Variants in MAP3K4 observed in about 807,000 individuals in gnomAD.
MAP3K4 encodes the protein mitogen-activated protein kinase kinase kinase 4, also known as MAP three kinase 1.
MAP3K4 carries 67 observed loss-of-function variants against 185.6 expected under a neutral mutation model. The ratio of observed to expected loss-of-function variants is 0.36; its 90% CI spans 0.30 to 0.44. The LOEUF is 0.44. Ranked by LOEUF, MAP3K4 falls within the 20% of genes least tolerant of loss-of-function variation. The pLI is 1.00. For missense variants in MAP3K4, 1,551 were observed against 1,995.1 expected (o/e 0.78, Z 4.24); for synonymous variants, 702 against 710.4 (o/e 0.99, Z 0.19).
Position 161,115,817 on chromosome 6 carries a change from G to C in MAP3K4, c.4806+515G>C, listed in dbSNP as rs62435519. 3.1e-3 allele frequency among the ~76,000 whole-genome samples: 471 copies of C among 152,326 alleles called. 3 individuals carry two copies. The highest frequency in any genetic ancestry group is 3.7e-3 in the South Asian group (18 of 4,822). On this transcript the variant is annotated intron_variant, in intron 26 of 26. Transcript: ENST00000392142. This position sits in a 1 kb window ranked among gnomAD's most constrained non-coding sequence, Gnocchi z 6.0. ...AACTTGGAAACGCTCACCCTTCCGG[G>C]AGAGTGGGATGGTCACAGAGCCCTG...
chr6:161,019,020 A>G (rs908201130), intron 1 of MAP3K4, among the ~76,000 whole-genome samples: 1 of 152,238 alleles, frequency 6.6e-6, no homozygotes, highest in Non-Finnish European at 1.5e-5. Context: ...CAAAGACTGG[A>G]AAAGTGTACC....
intron 2 of MAP3K4, among the ~76,000 whole-genome samples, chr6:161,042,462 A>G (rs1279041094): frequency 6.6e-6 from 1 of 152,178 alleles, no homozygotes; most frequent in Non-Finnish European, 1.5e-5. Context: ...CTCAGTGAAC[A>G]GGCTTGATTT....
rs1440556751 is a variant in MAP3K4 at position 161,088,779 on chromosome 6, C to T, written c.2824-543C>T. ...TTGAGTTTCCCTGCTTCAAACCTCA[C>T]CTTCTGTCTCTCCAATTCTGTGTTT... On this transcript the variant is annotated intron_variant, in intron 10 of 26. Transcript: ENST00000392142. This position sits in a 1 kb window ranked among gnomAD's most constrained non-coding sequence, Gnocchi z 4.5. Among the ~76,000 whole-genome samples the T allele has an allele frequency of 4.6e-5, 7 of 152,176 alleles. No homozygotes were observed. Among genetic ancestry groups the T allele is most frequent in the African/African-American group, 1.2e-4 (5 of 41,452 alleles).
chr6:161,041,835 C>G (rs749906280), intron 2 of MAP3K4, among the ~76,000 whole-genome samples: 1 of 151,014 alleles, frequency 6.6e-6, no homozygotes, highest in Non-Finnish European at 1.5e-5. Flanking sequence ...TGATACCAGA[C>G]GGACAGAAGG....
At chr6:161,079,124 G>C (rs1303321785) in intron 5 of MAP3K4, among the ~76,000 whole-genome samples, 2 of 146,976 alleles carry the variant, frequency 1.4e-5, no homozygotes, top group Non-Finnish European at 3.0e-5. Context: ...TGAGGCAGGA[G>C]AATCACTTGA....
At chr6:161,050,597 G>A (rs1296820454) in intron 3 of MAP3K4, among the ~76,000 whole-genome samples, 3 of 152,172 alleles carry the variant, frequency 2.0e-5, no homozygotes, top group Non-Finnish European at 2.9e-5. Flanking sequence ...GTAGATTTTT[G>A]TGAGAGGAAT....
chr6:161,018,462 G>A (rs1782217736), intron 1 of MAP3K4, among the ~76,000 whole-genome samples: 1 of 152,184 alleles, frequency 6.6e-6, no homozygotes, highest in Non-Finnish European at 1.5e-5. Context: ...GACTTGGAAG[G>A]ATCACAGCTT....
chr6:161,026,386 T>C (rs969027746), intron 1 of MAP3K4, among the ~76,000 whole-genome samples: 7 of 152,130 alleles, frequency 4.6e-5, no homozygotes, highest in Non-Finnish European at 5.9e-5. Context: ...CTGCCCTCCT[T>C]GGCCTCCCAA....
chr6:161,072,324 C>A (rs1265970730), intron 4 of MAP3K4, among the ~76,000 whole-genome samples: 1 of 152,172 alleles, frequency 6.6e-6, no homozygotes, highest in African/African-American at 2.4e-5. Flanking sequence ...TGTAAAAACC[C>A]TGTTATTCTG....
At chr6:160,993,147 GTTTTAT>G (rs1251019973) in intron 1 of MAP3K4, among the ~76,000 whole-genome samples, 1 of 152,172 alleles carries the variant, frequency 6.6e-6, no homozygotes, top group African/African-American at 2.4e-5. Flanking sequence ...AAACAAATTT[GTTTTAT>G]TTTTATAAGC....
chr6:161,081,726 T>C (rs1785468326), intron 6 of MAP3K4, among the ~76,000 whole-genome samples: 1 of 152,182 alleles, frequency 6.6e-6, no homozygotes, highest in African/African-American at 2.4e-5. Context: ...TCCGTGGTCT[T>C]TGCTGGTGGC....
chr6:161,031,193 CTT>C (rs1782912501), intron 1 of MAP3K4, among the ~76,000 whole-genome samples: 3 of 152,112 alleles, frequency 2.0e-5, no homozygotes. Flanking sequence ...AGACAGATGA[CTT>C]TTGGTTTTGT....
chr6:161,016,002 C>A (rs756455591), intron 1 of MAP3K4, among the ~76,000 whole-genome samples: 23 of 152,156 alleles, frequency 1.5e-4, no homozygotes, highest in Non-Finnish European at 2.8e-4. Context: ...AATAATACTG[C>A]TATATAAATT....
At chr6:161,045,227 G>T (rs1783672736) in intron 2 of MAP3K4, among the ~76,000 whole-genome samples, 2 of 150,484 alleles carry the variant, frequency 1.3e-5, no homozygotes, top group Admixed American at 6.6e-5. Context: ...GTTTTGGGGT[G>T]GGGGGGAACA....
chr6:161,069,770 A>G (rs1354900255), intron 3 of MAP3K4, among the ~76,000 whole-genome samples: 1 of 151,970 alleles, frequency 6.6e-6, no homozygotes, highest in Non-Finnish European at 1.5e-5. Context: ...GATGGCAGGG[A>G]GTAGGGGTTC....
Position 161,051,026 on chromosome 6 carries a change from A to G in MAP3K4, c.1707+1047A>G, listed in dbSNP as rs1783979556. 6.6e-6 allele frequency among the ~76,000 whole-genome samples: 1 copy of G among 152,328 alleles called. No homozygotes were observed. The highest frequency in any genetic ancestry group is 6.5e-5 in the Admixed American group (1 of 15,308). ...CAACCTCGTATGCTTTAATCTCGAG[A>G]TTATGTGTAATGCCTTATGTAATAT... On this transcript the variant is annotated intron_variant, in intron 3 of 26. Coordinates refer to ENST00000392142, the MANE Select transcript of MAP3K4 (RefSeq NM_005922.4). The surrounding 1 kb of genome is among the most constrained non-coding windows in gnomAD (Gnocchi z 4.2).
At position 161,097,260 on chromosome 6, in the gene MAP3K4, C is replaced by G. The variant is rs907218744; in HGVS notation, c.3524+84C>G. 1 of 1,111,858 alleles carries G rather than the reference C, an allele frequency of 9.0e-7. No homozygotes were observed. Among genetic ancestry groups the G allele is most frequent in the Middle Eastern group, 2.0e-4 (1 of 4,996 alleles). 68.9% of individuals were successfully genotyped at this position (1,111,858 alleles called of 1,614,324 possible). A position where few individuals can be genotyped will look rare whatever the true frequency, so the allele number is the denominator to read the frequency against. On this transcript the variant is annotated intron_variant, in intron 16 of 26. Transcript: ENST00000392142. The surrounding 1 kb of genome is among the most constrained non-coding windows in gnomAD (Gnocchi z 4.9). ...TACTTTTGAAACTACTAGATGCTTG[C>G]TCTGAGAGCTAAATACCTTTTCTGC...
chr6:161,070,833 C>G lies in MAP3K4; in HGVS notation c.1933C>G (p.Leu645Val). The change falls in exon 4 of 27, where the codon CTC (leucine) becomes GTC (valine). Residue 645 changes from leucine (L) to valine (V), a missense_variant. By Grantham distance (32) the Leu-to-Val change is conservative. This residue lies in a region of MAP3K4 where 27 missense variants were observed against 64.4 expected (regional missense o/e 0.42). Coordinates refer to ENST00000392142, the MANE Select transcript of MAP3K4 (RefSeq NM_005922.4). The surrounding 1 kb of genome is among the most constrained non-coding windows in gnomAD (Gnocchi z 4.5). ...LEQRPAGEPS[L>V]LSIKQLVREC... ...GCAGAGACCTGCTGGAGAACCATCTCTCTTGAGTATTAAGCAGGTTTGCTT... is the reference window on the plus strand; with the variant it reads ...GCAGAGACCTGCTGGAGAACCATCTGTCTTGAGTATTAAGCAGGTTTGCTT... 6.2e-7 allele frequency: 1 copy of G among 1,612,672 alleles called. No individual in the cohort carries two copies. Among genetic ancestry groups the G allele is most frequent in the Non-Finnish European group, 8.5e-7 (1 of 1,179,292 alleles).
In MAP3K4 at chr6:161,112,653, C is replaced by T; in HGVS notation, c.4520-15C>T. ...TTATAACCCATTACTCTCAACATAT[C>T]TGTGACTTTTAAAGCATACATGGCA... On this transcript the variant is annotated splice_polypyrimidine_tract_variant and intron_variant, in intron 24 of 26. Coordinates refer to ENST00000392142, the MANE Select transcript of MAP3K4 (RefSeq NM_005922.4). This position sits in a 1 kb window ranked among gnomAD's most constrained non-coding sequence, Gnocchi z 5.1. The T allele has an allele frequency of 1.3e-6, 2 of 1,531,640 alleles. No homozygotes were observed. Among genetic ancestry groups the T allele is most frequent in the Non-Finnish European group, 8.8e-7 (1 of 1,138,536 alleles). The allele number at this position is 1,531,640 out of a possible 1,614,324, so 94.9% of individuals were successfully genotyped here.
Sources: allele counts gnomAD v4.1 joint callset (sites outside exome capture counted in the v4.1 genomes callset), GRCh38; gene constraint gnomAD v4.1.1; regional missense constraint gnomAD v4.1.1; non-coding constraint Gnocchi (gnomAD v3.1); transcripts MANE v1.5; gene names NCBI Gene and HGNC (gene_info 2026-07-23, HGNC 2026-07-21).